CARMIL1: variants seen among roughly 807,000 people sequenced by gnomAD.
The protein encoded by CARMIL1 is capping protein regulator and myosin 1 linker 1.
Under a neutral mutation model 177.1 loss-of-function variants are expected in CARMIL1, and 90 were observed. The observed-to-expected ratio is 0.51, with a 90% CI of 0.43 to 0.61. CARMIL1 has a LOEUF of 0.61. Ranked by LOEUF, CARMIL1 falls within the 20% of genes least tolerant of loss-of-function variation. CARMIL1 has a pLI of 0.00. For synonymous variants in CARMIL1, 577 were observed against 606.2 expected (o/e 0.95, Z 0.71); for missense variants, 1,380 against 1,667.0 (o/e 0.83, Z 3.00).
chr6:25,295,574 A>G (rs752429144), intron 2 of CARMIL1, among the ~76,000 whole-genome samples: 1 of 152,108 alleles, frequency 6.6e-6, no homozygotes, highest in Non-Finnish European at 1.5e-5. Flanking sequence ...CACCTTGTCA[A>G]TTTCATTGTC....
chr6:25,493,235 G>A (rs1426460115), intron 15 of CARMIL1, among the ~76,000 whole-genome samples: 1 of 152,306 alleles, frequency 6.6e-6, no homozygotes, highest in African/African-American at 2.4e-5. Flanking sequence ...ACAGAATTGC[G>A]CTAACAAATT....
At chr6:25,556,946 C>A in intron 29 of CARMIL1, 96 bp downstream of exon 29, 5 of 1,235,852 alleles carry the variant, frequency 4.0e-6, no homozygotes, top group Non-Finnish European at 5.7e-6. Context: ...GAAATCAGAC[C>A]AAACAAAACA....
intron 2 of CARMIL1, among the ~76,000 whole-genome samples, chr6:25,383,225 G>A (rs573355781): frequency 6.6e-6 from 1 of 152,278 alleles, no homozygotes; most frequent in Admixed American, 6.5e-5. Context: ...TGGGTCTGTT[G>A]TTGGGAATAA....
rs1054388977 is a variant in CARMIL1 at position 25,441,375 on chromosome 6, ATG to A, written c.371+5785_371+5786del. Among the ~76,000 whole-genome samples the A allele has an allele frequency of 1.7e-3, 118 of 68,966 alleles. 1 individual carries two copies. In the South Asian group the frequency reaches 0.026, roughly 15 times the overall value. 45.2% of individuals were successfully genotyped at this position (68,966 alleles called of 152,430 possible). A position where few individuals can be genotyped will look rare whatever the true frequency, so the allele number is the denominator to read the frequency against. ...TGTGTGTGTGTGTGTGTGTGTGTCT[ATG>A]TGTGTGTGTGTGTATGTATATGTAA... On this transcript the variant is annotated intron_variant, in intron 5 of 36. Transcript: ENST00000329474.
At chr6:25,586,787 C>T (rs1456698439) in intron 31 of CARMIL1, among the ~76,000 whole-genome samples, 1 of 152,110 alleles carries the variant, frequency 6.6e-6, no homozygotes, top group Non-Finnish European at 1.5e-5. Flanking sequence ...ACCCCGTCTC[C>T]ACCAAAAAAT....
At chr6:25,392,214 A>T (rs73730714) in intron 2 of CARMIL1, among the ~76,000 whole-genome samples, 3,961 of 152,102 alleles carry the variant, frequency 0.026, 145 homozygotes, top group African/African-American at 0.086. Context: ...AGGTTATTGC[A>T]GTTGGACAGG....
At chr6:25,476,309 T>G (rs535636282) in intron 11 of CARMIL1, among the ~76,000 whole-genome samples, 5 of 152,204 alleles carry the variant, frequency 3.3e-5, no homozygotes, top group African/African-American at 1.2e-4. Context: ...ATTCCAAGGA[T>G]AGCCTTGAAT....
chr6:25,488,431 C>T lies in CARMIL1; in HGVS notation c.962-51C>T, dbSNP rs967406964. The T allele has an allele frequency of 5.3e-6, 7 of 1,328,662 alleles. No individual in the cohort carries two copies. In the African/African-American group the frequency reaches 8.7e-5, roughly 16 times the overall value. 82.3% of individuals were successfully genotyped at this position (1,328,662 alleles called of 1,614,324 possible). A position where few individuals can be genotyped will look rare whatever the true frequency, so the allele number is the denominator to read the frequency against. ...GGGCCATTTATAGAAACACAAACCT[C>T]ATTTTGTTTCCTGGAGTGCAAACTG... On this transcript the variant is annotated intron_variant, in intron 12 of 36. Coordinates refer to ENST00000329474, the MANE Select transcript of CARMIL1 (RefSeq NM_017640.6).
chr6:25,521,230 C>T (rs1027130695), intron 23 of CARMIL1, among the ~76,000 whole-genome samples: 4 of 152,116 alleles, frequency 2.6e-5, no homozygotes, highest in Admixed American at 6.5e-5. Flanking sequence ...AGGCCTGCAT[C>T]GTACAGCCGA....
chr6:25,438,499 G>A (rs1314213587), intron 5 of CARMIL1, among the ~76,000 whole-genome samples: 1 of 152,224 alleles, frequency 6.6e-6, no homozygotes, highest in Non-Finnish European at 1.5e-5. Flanking sequence ...AGGCCTCCCT[G>A]TGGCCATGAT....
rs1379165747 is a variant in CARMIL1, at chr6:25,430,069, C to T, written c.249+3509C>T. On this transcript the variant is annotated intron_variant, in intron 4 of 36. Transcript: ENST00000329474. The stretch of plus-strand genomic sequence containing the variant: ...CCATGTTGGCCAGGATGGTCTCAAT[C>T]TCCTGACCTTGTGATTCGCCTGCCT... 2.6e-5 allele frequency among the ~76,000 whole-genome samples: 4 copies of T among 152,212 alleles called. No individual in the cohort carries two copies. In the East Asian group the frequency reaches 7.7e-4, roughly 29 times the overall value.
intron 10 of CARMIL1, among the ~76,000 whole-genome samples, 183 bp downstream of exon 10, chr6:25,471,440 A>G (rs1801091501): frequency 6.6e-6 from 1 of 151,984 alleles, no homozygotes; most frequent in Admixed American, 6.6e-5. Context: ...ATTTGGTAAC[A>G]TCTCTTGATA....
In CARMIL1 at chr6:25,528,912, G is replaced by T. The variant is rs1280831836; in HGVS notation, c.2067+19G>T. ...CCAGCAGGTAAGCGAGCCAGTGCCT[G>T]TGACTTCTCCTTCTATTCTTAACTG... On this transcript the variant is annotated intron_variant, in intron 24 of 36. Transcript: ENST00000329474. 1 of 1,582,120 alleles carries T rather than the reference G, an allele frequency of 6.3e-7. No individual in the cohort carries two copies. Among genetic ancestry groups the T allele is most frequent in the Non-Finnish European group, 8.6e-7 (1 of 1,158,942 alleles).
rs1798669927 is a variant in CARMIL1, at chr6:25,450,417, T to C, written c.540+8T>C. 6.2e-7 allele frequency: 1 copy of C among 1,608,054 alleles called. No individual in the cohort carries two copies. The highest frequency in any genetic ancestry group is 8.5e-7 in the Non-Finnish European group (1 of 1,174,678). ...AGGGAAGAAGTACAATGGGTAAGAA[T>C]GTCTGTGTACATGTGCATGAGCACA... On this transcript the variant is annotated splice_region_variant and intron_variant, in intron 7 of 36. Coordinates refer to ENST00000329474, the MANE Select transcript of CARMIL1 (RefSeq NM_017640.6).
intron 2 of CARMIL1, among the ~76,000 whole-genome samples, chr6:25,339,154 G>A (rs1002434148): frequency 6.6e-6 from 1 of 152,206 alleles, no homozygotes; most frequent in Non-Finnish European, 1.5e-5. Context: ...GACAGGTGGT[G>A]TAGCGTCACC....
intron 24 of CARMIL1, among the ~76,000 whole-genome samples, chr6:25,534,058 T>C (rs1411156002): frequency 6.6e-6 from 1 of 152,162 alleles, no homozygotes; most frequent in Non-Finnish European, 1.5e-5. Flanking sequence ...GATACTTCTT[T>C]TGTTTTTATT....
chr6:25,474,610 G>A (rs944074327), intron 11 of CARMIL1, among the ~76,000 whole-genome samples: 5 of 152,140 alleles, frequency 3.3e-5, no homozygotes, highest in Admixed American at 6.5e-5. Context: ...ACTAGATCAC[G>A]CAAAAAGTAC....
At chr6:25,535,514 T>C (rs1808204052) in intron 24 of CARMIL1, among the ~76,000 whole-genome samples, 1 of 152,154 alleles carries the variant, frequency 6.6e-6, no homozygotes, top group Non-Finnish European at 1.5e-5. Flanking sequence ...TTGGAAGGAA[T>C]TGAGCTTCAT....
chr6:25,459,439 G>C (rs1415576679), intron 8 of CARMIL1, among the ~76,000 whole-genome samples: 1 of 151,242 alleles, frequency 6.6e-6, no homozygotes, highest in African/African-American at 2.4e-5. Flanking sequence ...TATTTGTAAA[G>C]ATGGGATTTC....
Sources: allele counts gnomAD v4.1 joint callset (sites outside exome capture counted in the v4.1 genomes callset), GRCh38; gene constraint gnomAD v4.1.1; transcripts MANE v1.5; gene names NCBI Gene and HGNC (gene_info 2026-07-23, HGNC 2026-07-21).